The following CNTN4 variants were observed in gnomAD, a reference collection of about 807,000 sequenced individuals.
CNTN4 encodes contactin-4.
Under a neutral mutation model 122.5 loss-of-function variants are expected in CNTN4, and 77 were observed. The observed-to-expected ratio is 0.63, with a 90% CI of 0.52 to 0.76. The LOEUF (loss-of-function observed/expected upper bound fraction) is 0.76. CNTN4 is among the 30% of genes least tolerant of loss of function. The pLI is 0.00. For synonymous variants in CNTN4, 512 were observed against 447.0 expected, an observed-to-expected ratio of 1.15 and a Z score of -1.83; for missense variants, 1,256 against 1,259.1, an observed-to-expected ratio of 1.00 and a Z score of 0.04.
intron 3 of CNTN4, among the ~76,000 whole-genome samples, chr3:2,477,420 A>T (rs1270634893): frequency 6.6e-6 from 1 of 152,190 alleles, no homozygotes; most frequent in African/African-American, 2.4e-5. Flanking sequence ...CTCTGTGGTA[A>T]ATGCTTTATA....
At chr3:2,270,524 G>A (rs533570068) in intron 2 of CNTN4, among the ~76,000 whole-genome samples, 2 of 152,208 alleles carry the variant, frequency 1.3e-5, no homozygotes, top group African/African-American at 4.8e-5. Flanking sequence ...ATGGACAGGA[G>A]TACTTGTTAT....
intron 6 of CNTN4, among the ~76,000 whole-genome samples, chr3:2,787,399 A>C (rs1315189103): frequency 1.3e-5 from 2 of 152,206 alleles, no homozygotes; most frequent in East Asian, 3.8e-4. Flanking sequence ...TAAATAAAAT[A>C]AAATAAATAT....
intron 2 of CNTN4, among the ~76,000 whole-genome samples, chr3:2,165,242 G>GA (rs1434939508): frequency 6.6e-6 from 1 of 151,844 alleles, no homozygotes; most frequent in African/African-American, 2.4e-5. Context: ...AGAATTGCTT[G>GA]AACCCAGGAG....
intron 4 of CNTN4, among the ~76,000 whole-genome samples, chr3:2,586,781 C>G (rs111692210): frequency 1.3e-5 from 2 of 152,164 alleles, no homozygotes; most frequent in Non-Finnish European, 2.9e-5. Context: ...GTAACTGCAA[C>G]CACACTGTAG....
chr3:3,031,033 C>T (rs559097277), intron 16 of CNTN4, 58 bp downstream of exon 16: 48 of 1,607,398 alleles, frequency 3.0e-5, no homozygotes, highest in African/African-American at 2.1e-4. Context: ...TCTACTGTAG[C>T]GCAGAGTTCC....
intron 3 of CNTN4, among the ~76,000 whole-genome samples, chr3:2,423,430 G>C (rs780895931): frequency 1.3e-5 from 2 of 151,440 alleles, no homozygotes; most frequent in African/African-American, 2.4e-5. Context: ...CACACTTCTC[G>C]ATGCTGCAAG....
chr3:2,105,729 CT>C (rs1175243592), intron 2 of CNTN4, among the ~76,000 whole-genome samples: 2 of 152,222 alleles, frequency 1.3e-5, no homozygotes, highest in Non-Finnish European at 2.9e-5. Context: ...CATTCTGCCC[CT>C]GGCCCCTCCC....
At chr3:2,393,202 G>A (rs1414370720) in intron 3 of CNTN4, among the ~76,000 whole-genome samples, 2 of 152,114 alleles carry the variant, frequency 1.3e-5, no homozygotes, top group African/African-American at 2.4e-5. Context: ...ACATGTGTCT[G>A]TCTCCGCATT....
intron 2 of CNTN4, among the ~76,000 whole-genome samples, chr3:2,169,726 T>G (rs562638550): frequency 6.6e-6 from 1 of 152,244 alleles, no homozygotes; most frequent in Admixed American, 6.5e-5. Context: ...ATGAAAGATA[T>G]GAAAAACAGT....
At chr3:2,982,816 T>C (rs1213381862) in intron 13 of CNTN4, among the ~76,000 whole-genome samples, 3 of 152,202 alleles carry the variant, frequency 2.0e-5, no homozygotes, top group African/African-American at 4.8e-5. Context: ...GTGTATGTTA[T>C]TGTATGGAAC....
At chr3:2,320,470 C>T (rs1238012115) in intron 2 of CNTN4, among the ~76,000 whole-genome samples, 6 of 152,140 alleles carry the variant, frequency 3.9e-5, no homozygotes, top group Non-Finnish European at 7.4e-5. Context: ...ACCTCAGCGT[C>T]CCACCTTAAC....
chr3:2,983,130 T>C (rs950098378), intron 13 of CNTN4, among the ~76,000 whole-genome samples: 5 of 136,118 alleles, frequency 3.7e-5, no homozygotes, highest in Middle Eastern at 4.3e-3. Flanking sequence ...AGGAGAATGG[T>C]ATGAACCCTG....
chr3:2,729,688 G>A (rs953585471), intron 4 of CNTN4, among the ~76,000 whole-genome samples: 1 of 152,100 alleles, frequency 6.6e-6, no homozygotes, highest in Admixed American at 6.6e-5. Context: ...GCGAAGGCAG[G>A]CGGATCACAA....
chr3:2,303,846 T>C (rs2042610182), intron 2 of CNTN4, among the ~76,000 whole-genome samples: 2 of 152,168 alleles, frequency 1.3e-5, no homozygotes, highest in Non-Finnish European at 1.5e-5. Flanking sequence ...CAAGCAAATC[T>C]GGGTAGGAGC....
At chr3:2,466,962 CTTTCTTTCT>C (rs1481061726) in intron 3 of CNTN4, among the ~76,000 whole-genome samples, 3 of 126,024 alleles carry the variant, frequency 2.4e-5, no homozygotes, top group Middle Eastern at 4.1e-3. Context: ...TTCTTTCTTT[CTTTCTTTCT>C]TTTTTTTTTT....
rs370700924 is a variant in CNTN4, at chr3:2,962,439, C to G, written c.1359-25906C>G. ...TGGGTTGCAGTTAACCAAAATAACT[C>G]TAGCTAACTCAAGCAAACAGGAATT... On this transcript the variant is annotated intron_variant, in intron 13 of 24. Coordinates refer to ENST00000418658, the MANE Select transcript of CNTN4 (RefSeq NM_175607.3). 3.2e-4 allele frequency among the ~76,000 whole-genome samples: 48 copies of G among 152,306 alleles called. No homozygotes were observed. The South Asian group carries it at 8.7e-3, about 28-fold the overall frequency.
chr3:3,017,156 C>T (rs911553569), intron 14 of CNTN4, among the ~76,000 whole-genome samples: 1 of 152,144 alleles, frequency 6.6e-6, no homozygotes, highest in Non-Finnish European at 1.5e-5. Context: ...CCAATTGGTT[C>T]CTCTTCCCTT....
chr3:2,770,640 C>G (rs1034757771), intron 6 of CNTN4, among the ~76,000 whole-genome samples: 1 of 152,226 alleles, frequency 6.6e-6, no homozygotes, highest in Admixed American at 6.5e-5. Flanking sequence ...GGAAAGTAAA[C>G]AAACAGAAAC....
chr3:2,302,156 C>T (rs188291471), intron 2 of CNTN4, among the ~76,000 whole-genome samples: 70 of 152,304 alleles, frequency 4.6e-4, no homozygotes, highest in African/African-American at 1.6e-3. Flanking sequence ...TTGGGCTGGG[C>T]ACAGTGGCTC....
Sources: allele counts gnomAD v4.1 joint callset (sites outside exome capture counted in the v4.1 genomes callset), GRCh38; gene constraint gnomAD v4.1.1; transcripts MANE v1.5; gene names NCBI Gene and HGNC (gene_info 2026-07-23, HGNC 2026-07-21).